MECOM: variants seen among roughly 807,000 people sequenced by gnomAD.
The protein encoded by MECOM is histone-lysine N-methyltransferase MECOM.
MECOM carries 13 observed loss-of-function variants against 116.3 expected under a neutral mutation model. The ratio of observed to expected loss-of-function variants is 0.11; its 90% CI spans 0.07 to 0.18. The LOEUF (loss-of-function observed/expected upper bound fraction) is 0.18. Among genes scored for constraint, MECOM ranks in the 10% least tolerant of loss-of-function variants. MECOM has a pLI of 1.00. For synonymous variants in MECOM, 528 were observed against 535.2 expected (o/e 0.99, Z 0.19); for missense variants, 1,299 against 1,509.0 (o/e 0.86, Z 2.31).
chr3:169,303,184 G>A (rs1385599631), intron 2 of MECOM, among the ~76,000 whole-genome samples: 8 of 152,058 alleles, frequency 5.3e-5, no homozygotes, highest in African/African-American at 1.9e-4. Context: ...CAAATTCCAA[G>A]CCAATTGTCT....
chr3:169,203,556 C>T (rs935777154), intron 2 of MECOM, among the ~76,000 whole-genome samples: 3 of 152,040 alleles, frequency 2.0e-5, no homozygotes, highest in Admixed American at 6.6e-5. Flanking sequence ...AACTAAAATG[C>T]ACTGTATGAT....
intron 1 of MECOM, among the ~76,000 whole-genome samples, chr3:169,441,115 C>A (rs2108611503): frequency 6.6e-6 from 1 of 152,274 alleles, no homozygotes; most frequent in East Asian, 1.9e-4. Context: ...CCTGGGTAGA[C>A]ACACGTGTAG....
chr3:169,472,251 C>A (rs1366559940), intron 1 of MECOM, among the ~76,000 whole-genome samples: 10 of 149,886 alleles, frequency 6.7e-5, no homozygotes, highest in Non-Finnish European at 1.3e-4. Flanking sequence ...GTTAGTTCAC[C>A]CAATGGTGCC....
chr3:169,516,848 G>A (rs1756690685), intron 1 of MECOM, among the ~76,000 whole-genome samples: 1 of 152,148 alleles, frequency 6.6e-6, no homozygotes, highest in Admixed American at 6.6e-5. Context: ...AATGCTAGTT[G>A]CTTCTGACCA....
intron 2 of MECOM, among the ~76,000 whole-genome samples, chr3:169,380,377 C>T (rs1293484000): frequency 7.0e-6 from 1 of 143,160 alleles, no homozygotes; most frequent in Non-Finnish European, 1.5e-5. Flanking sequence ...TTTCAAGTTA[C>T]AGAAATAAAT....
chr3:169,539,714 C>T (rs1182013974), intron 1 of MECOM, among the ~76,000 whole-genome samples: 5 of 151,880 alleles, frequency 3.3e-5, no homozygotes, highest in African/African-American at 1.2e-4. Context: ...CCAGAGTAAT[C>T]TTTTAAAAAC....
At position 169,116,493 on chromosome 3, in the gene MECOM, C is replaced by T; in HGVS notation, c.1379G>A (p.Ser460Asn). ...AMDKTSMVNM[S>N]HANPGLADYF... ...GTCAGCAAGGCCCGGGTTGGCATGA[C>T]TCATATTAACCATGGACGTTTTATC... Residue 460 changes from serine (S) to asparagine (N), a missense_variant, in exon 8 of 17, where the codon AGT becomes AAT. Around this residue, in one of 6 missense-constraint regions of MECOM, gnomAD observed 238 missense variants for 273.1 expected, o/e 0.87. Transcript: ENST00000651503. The T allele has an allele frequency of 3.1e-6, 5 of 1,614,172 alleles. No homozygotes were observed. The highest frequency in any genetic ancestry group is 4.2e-6 in the Non-Finnish European group (5 of 1,180,026).
At chr3:169,124,818 GA>G (rs1213820297) in intron 5 of MECOM, among the ~76,000 whole-genome samples, 1 of 151,904 alleles carries the variant, frequency 6.6e-6, no homozygotes, top group Non-Finnish European at 1.5e-5. Context: ...ATTTAGAAAA[GA>G]AAAAGTACCA....
intron 13 of MECOM, among the ~76,000 whole-genome samples, chr3:169,094,454 T>C (rs528868760): frequency 1.3e-5 from 2 of 152,348 alleles, no homozygotes; most frequent in East Asian, 3.9e-4. Flanking sequence ...TCCCTTCTGC[T>C]AAATATGTGC....
chr3:169,538,363 C>A (rs1162317932), intron 1 of MECOM, among the ~76,000 whole-genome samples: 1 of 152,138 alleles, frequency 6.6e-6, no homozygotes, highest in Non-Finnish European at 1.5e-5. Context: ...ACTATGACAA[C>A]ACTAATTCAT....
chr3:169,658,611 C>A (rs1015963282), intron 1 of MECOM, among the ~76,000 whole-genome samples: 1 of 152,146 alleles, frequency 6.6e-6, no homozygotes, highest in Non-Finnish European at 1.5e-5. Context: ...GCCTGAGGAG[C>A]GAGGTGTAGG....
At position 169,115,752 on chromosome 3, in the gene MECOM, A is replaced by T; in HGVS notation, c.2120T>A (p.Met707Lys). The T allele has an allele frequency of 6.2e-7, 1 of 1,614,176 alleles. No homozygotes were observed. Residue 707 changes from methionine (M) to lysine (K), a missense_variant, in exon 8 of 17, where the codon ATG (methionine) becomes AAG (lysine). By Grantham distance (95) the Met-to-Lys change is moderately conservative (BLOSUM62 -1). This residue lies in a region of MECOM where 340 missense variants were observed against 312.6 expected (regional missense o/e 1.09). Transcript: ENST00000651503. ...LPFFPAFSQS[M>K]YPFPDRDLRS... ...CAAGTCTCTATCAGGAAATGGGTAC[A>T]TTGATTGAGAGAATGCTGGAAAAAA...
chr3:169,307,705 C>T (rs1456662688), intron 2 of MECOM, among the ~76,000 whole-genome samples: 1 of 152,100 alleles, frequency 6.6e-6, no homozygotes, highest in Non-Finnish European at 1.5e-5. Context: ...TCTAAATAAA[C>T]AAATAGTATA....
At chr3:169,319,815 G>T (rs935778223) in intron 2 of MECOM, among the ~76,000 whole-genome samples, 18 of 152,206 alleles carry the variant, frequency 1.2e-4, no homozygotes, top group Non-Finnish European at 2.2e-4. Context: ...ATGAGATAAG[G>T]TATAACATGA....
intron 1 of MECOM, among the ~76,000 whole-genome samples, chr3:169,660,156 C>G (rs1278168575): frequency 6.6e-6 from 1 of 152,172 alleles, no homozygotes; most frequent in Non-Finnish European, 1.5e-5. Flanking sequence ...GCATTTCTGG[C>G]ACGGCCCAGG....
At chr3:169,464,579 G>A (rs1014125320) in intron 1 of MECOM, among the ~76,000 whole-genome samples, 2 of 151,956 alleles carry the variant, frequency 1.3e-5, no homozygotes, top group Admixed American at 6.6e-5. Flanking sequence ...AAGCAAATTA[G>A]GAGGGCATTA....
At chr3:169,357,949 A>T (rs1261517446) in intron 2 of MECOM, among the ~76,000 whole-genome samples, 1 of 151,706 alleles carries the variant, frequency 6.6e-6, no homozygotes, top group African/African-American at 2.4e-5. Flanking sequence ...TTAATATACT[A>T]ATTAATTAAT....
intron 1 of MECOM, among the ~76,000 whole-genome samples, chr3:169,533,576 A>ATTTTTTTTTTTTTTTTTTTTT (rs57279349): frequency 1.2e-5 from 1 of 85,090 alleles, no homozygotes; most frequent in African/African-American, 5.8e-5. Context: ...CCCAGTGCTG[A>ATTTTTTTTTTTTTTTTTTTTT]TTTTTTTTTT....
rs188467478 is a variant in MECOM at position 169,166,865 on chromosome 3, C to T, written c.376-23033G>A. 5.2e-3 allele frequency among the ~76,000 whole-genome samples: 798 copies of T among 152,220 alleles called. 3 individuals are homozygous for T. Among genetic ancestry groups the T allele is most frequent in the South Asian group, 0.021 (99 of 4,822 alleles). On this transcript the variant is annotated intron_variant, in intron 2 of 16. Coordinates refer to ENST00000651503, the MANE Select transcript of MECOM (RefSeq NM_004991.4). ...ATTGAGACAGGATTGGGATTACAGC[C>T]GTAAGCCACTGCACTTGGCCCTTTT...
Sources: gnomAD v4.1 joint callset for allele counts (sites outside exome capture counted in the v4.1 genomes callset) on GRCh38, gnomAD v4.1.1 for gene constraint, gnomAD v4.1.1 regional missense constraint, MANE v1.5 for transcripts, NCBI Gene and HGNC (gene_info 2026-07-23, HGNC 2026-07-21) for gene names.